PDE8A: variants seen among roughly 807,000 people sequenced by gnomAD.
PDE8A encodes the protein high affinity cAMP-specific and IBMX-insensitive 3',5'-cyclic phosphodiesterase 8A.
PDE8A carries 59 observed loss-of-function variants against 105.0 expected under a neutral mutation model. The ratio of observed to expected loss-of-function variants is 0.56; its 90% CI spans 0.46 to 0.70. The LOEUF (loss-of-function observed/expected upper bound fraction) is 0.70. Ranked by LOEUF, PDE8A falls within the 30% of genes least tolerant of loss-of-function variation. PDE8A has a pLI of 0.00. For synonymous variants in PDE8A, 355 were observed against 371.9 expected, an observed-to-expected ratio of 0.95 and a Z score of 0.52; for missense variants, 1,014 against 1,045.9, an observed-to-expected ratio of 0.97 and a Z score of 0.42.
intron 1 of PDE8A, among the ~76,000 whole-genome samples, chr15:85,014,502 G>A (rs574764969): frequency 6.6e-6 from 1 of 152,264 alleles, no homozygotes; most frequent in South Asian, 2.1e-4. Flanking sequence ...TATTATACCA[G>A]TTTTCAGAAT....
At chr15:85,111,350 A>G (rs1174900772) in intron 12 of PDE8A, among the ~76,000 whole-genome samples, 1 of 152,070 alleles carries the variant, frequency 6.6e-6, no homozygotes, top group Non-Finnish European at 1.5e-5. Context: ...TTATTGTTTT[A>G]TCTTTTGTTT....
At chr15:85,025,047 T>G (rs1024734405) in intron 1 of PDE8A, among the ~76,000 whole-genome samples, 2 of 152,252 alleles carry the variant, frequency 1.3e-5, no homozygotes, top group Admixed American at 1.3e-4. Flanking sequence ...ACATGCTGTG[T>G]ATAAATCAGA....
At chr15:85,052,936 C>T (rs1489933632) in intron 1 of PDE8A, among the ~76,000 whole-genome samples, 1 of 152,134 alleles carries the variant, frequency 6.6e-6, no homozygotes, top group Non-Finnish European at 1.5e-5. Context: ...AGGTTTTCTT[C>T]CTGGGGTTTT....
At chr15:85,061,400 AT>A (rs917097798) in intron 1 of PDE8A, among the ~76,000 whole-genome samples, 49 of 145,556 alleles carry the variant, frequency 3.4e-4, no homozygotes, top group African/African-American at 3.0e-4. Flanking sequence ...CACCCAGCTA[AT>A]TTTTTTTTTT....
At chr15:84,986,082 C>A (rs376420170) in intron 1 of PDE8A, among the ~76,000 whole-genome samples, 35 of 152,216 alleles carry the variant, frequency 2.3e-4, no homozygotes, top group African/African-American at 7.2e-4. Context: ...AAAAAATTAG[C>A]TGGGCATGGC....
rs184826351 is a variant in PDE8A at position 84,999,346 on chromosome 15, C to T, written c.186+16998C>T. Among the ~76,000 whole-genome samples the T allele has an allele frequency of 2.5e-4, 38 of 152,272 alleles. No homozygotes were observed. The East Asian group carries it at 6.8e-3, about 27-fold the overall frequency. ...ATGTTGGCCAGGCCTGGTCTTTGAA[C>T]TCCTGACCTCAGGTGATCTGCCTGC... On this transcript the variant is annotated intron_variant, in intron 1 of 21. Coordinates refer to ENST00000394553, the MANE Select transcript of PDE8A (RefSeq NM_002605.3).
chr15:85,099,293 G>A (rs74027408), intron 9 of PDE8A, among the ~76,000 whole-genome samples: 28,917 of 152,190 alleles, frequency 0.19, 3,224 homozygotes, highest in East Asian at 0.37. Context: ...AGCTGCCAGC[G>A]TGAGGCGCAG....
intron 3 of PDE8A, among the ~76,000 whole-genome samples, 156 bp downstream of exon 3, chr15:85,067,360 G>A (rs540969060): frequency 4.1e-4 from 63 of 152,300 alleles, no homozygotes; most frequent in Non-Finnish European, 6.2e-4. Context: ...TAGGACTGAT[G>A]CATATCTCTT....
chr15:84,988,470 T>A (rs1208766569), intron 1 of PDE8A, among the ~76,000 whole-genome samples: 1 of 152,214 alleles, frequency 6.6e-6, no homozygotes, highest in Non-Finnish European at 1.5e-5. Flanking sequence ...CTCCTGAAGC[T>A]AGATATTTTG....
intron 1 of PDE8A, among the ~76,000 whole-genome samples, chr15:85,050,658 AG>A (rs2080958794): frequency 6.6e-6 from 1 of 152,062 alleles, no homozygotes; most frequent in Admixed American, 6.6e-5. Flanking sequence ...CCTTTATTCT[AG>A]TTCGTTGGTC....
chr15:85,114,107 C>A, intron 14 of PDE8A, 70 bp downstream of exon 14: 1 of 1,344,372 alleles, frequency 7.4e-7, no homozygotes, highest in Non-Finnish European at 1.1e-6. Context: ...AGGTTATTCA[C>A]TTAAACAGAT....
rs1390798649 is a variant in PDE8A at position 85,100,060 on chromosome 15, C to T, written c.987C>T (p.Asn329=). Residue 329 remains asparagine, a synonymous_variant, in exon 10 of 22, where the codon AAC becomes AAT. Transcript: ENST00000394553. ...CCATTATCAGAGTGTGCAATGGCAA[C>T]AATAAGGTACGTAAGGAGAGCCCCC... The part of the protein sequence containing the change: ...YVSIIRVCNG[N]NKAEKISECV... 3 of 1,613,542 alleles carry T rather than the reference C, an allele frequency of 1.9e-6. No individual in the cohort carries two copies. Among genetic ancestry groups the T allele is most frequent in the African/African-American group, 2.7e-5 (2 of 74,880 alleles).
intron 3 of PDE8A, among the ~76,000 whole-genome samples, chr15:85,074,840 C>T (rs1000551689): frequency 1.2e-4 from 19 of 152,208 alleles, no homozygotes; most frequent in African/African-American, 3.4e-4. Context: ...GAAGCAAATG[C>T]AGTCAGTCTT....
At chr15:85,116,839 C>T (rs1018826469) in intron 16 of PDE8A, among the ~76,000 whole-genome samples, 1 of 152,200 alleles carries the variant, frequency 6.6e-6, no homozygotes, top group Non-Finnish European at 1.5e-5. Context: ...CCTTCTGATA[C>T]GTTCTACTTC....
rs947589062 is a variant in PDE8A, at chr15:85,113,294, A to G, written c.1115-83A>G. Reference sequence around the variant, plus strand: ...GTTCTATCCTGCCCCTTCATCATGCAGCCGAGCACACTGAGCCCTCTGCTG... The same window carrying G: ...GTTCTATCCTGCCCCTTCATCATGCGGCCGAGCACACTGAGCCCTCTGCTG... On this transcript the variant is annotated intron_variant, in intron 12 of 21. Transcript: ENST00000394553. The G allele has an allele frequency of 6.3e-6, 7 of 1,107,730 alleles. No individual in the cohort carries two copies. The African/African-American group carries it at 7.7e-5, about 12-fold the overall frequency. 68.6% of individuals were successfully genotyped at this position (1,107,730 alleles called of 1,614,324 possible).
At chr15:84,984,181 G>A (rs2079765983) in intron 1 of PDE8A, among the ~76,000 whole-genome samples, 1 of 152,146 alleles carries the variant, frequency 6.6e-6, no homozygotes, top group Non-Finnish European at 1.5e-5. Context: ...TTCCAGAGCA[G>A]GAGTCAAATT....
chr15:85,037,501 A>G (rs1399239992), intron 1 of PDE8A, among the ~76,000 whole-genome samples: 1 of 152,204 alleles, frequency 6.6e-6, no homozygotes, highest in African/African-American at 2.4e-5. Flanking sequence ...GCCTGATTTG[A>G]ACTTTATTTA....
At chr15:85,106,254 A>T (rs2081945865) in intron 11 of PDE8A, among the ~76,000 whole-genome samples, 1 of 150,756 alleles carries the variant, frequency 6.6e-6, no homozygotes, top group Admixed American at 6.6e-5. Context: ...CAGCTACAAG[A>T]CTCCATCCAT....
Position 84,982,038 on chromosome 15 carries a change from G to A in PDE8A, c.-125G>A. ...GGCCGCGTTTCCTGACGCGAGATCC[G>A]CGCTCGCCGCCGCCCGCCCAGGCGG... On this transcript the variant is annotated 5_prime_UTR_variant, in exon 1 of 22. Coordinates refer to ENST00000394553, the MANE Select transcript of PDE8A (RefSeq NM_002605.3). 1 of 455,482 alleles carries A rather than the reference G, an allele frequency of 2.2e-6. No individual in the cohort carries two copies. The highest frequency in any genetic ancestry group is 3.3e-6 in the Non-Finnish European group (1 of 298,744). The allele number at this position is 455,482 out of a possible 1,614,324, so 28.2% of individuals were successfully genotyped here.
Sources: gnomAD v4.1 joint callset for allele counts (sites outside exome capture counted in the v4.1 genomes callset) on GRCh38, gnomAD v4.1.1 for gene constraint, MANE v1.5 for transcripts, NCBI Gene and HGNC (gene_info 2026-07-23, HGNC 2026-07-21) for gene names.